CHST11: variants seen among roughly 807,000 people sequenced by gnomAD.
CHST11 encodes C4S-1.
A neutral mutation model predicts 30.4 loss-of-function variants in CHST11; 9 were observed. That is an observed-to-expected ratio of 0.30 (90% CI 0.18 to 0.52). The LOEUF (loss-of-function observed/expected upper bound fraction) is 0.52, where lower values mean the gene tolerates loss of function less well. Ranked by LOEUF, CHST11 falls within the 20% of genes least tolerant of loss-of-function variation. The pLI is 0.97. For missense variants in CHST11, 348 were observed against 460.6 expected (o/e 0.76, Z 2.24); for synonymous variants, 152 against 187.8 (o/e 0.81, Z 1.56).
In CHST11 at chr12:104,484,497, A is replaced by T. The variant is rs115689626; in HGVS notation, c.118+26968A>T. ...TATTCACACCTGAGATATGGAGGTG[A>T]CAAGGCAGACCTGGCAAACTTACAA... On this transcript the variant is annotated intron_variant, in intron 1 of 2. Coordinates refer to ENST00000303694, the MANE Select transcript of CHST11 (RefSeq NM_018413.6). Among the ~76,000 whole-genome samples, 1,270 of 152,318 alleles carry T rather than the reference A, an allele frequency of 8.3e-3. 13 individuals are homozygous for T. The highest frequency in any genetic ancestry group is 0.029 in the African/African-American group (1,219 of 41,566).
At chr12:104,725,007 T>C (rs1357635342) in intron 2 of CHST11, among the ~76,000 whole-genome samples, 1 of 152,124 alleles carries the variant, frequency 6.6e-6, no homozygotes, top group Non-Finnish European at 1.5e-5. Context: ...GTCTTGGTGC[T>C]TTAGGGCTGG....
chr12:104,487,492 G>C (rs1664405072), intron 1 of CHST11, among the ~76,000 whole-genome samples: 2 of 152,194 alleles, frequency 1.3e-5, no homozygotes, highest in Non-Finnish European at 2.9e-5. Context: ...GAATGCCTGA[G>C]CTCAAGCGAT....
chr12:104,755,919 C>G (rs1247161199), intron 2 of CHST11, among the ~76,000 whole-genome samples: 2 of 148,332 alleles, frequency 1.3e-5, no homozygotes, highest in East Asian at 4.0e-4. Context: ...GGACCCCCCC[C>G]TCCGGTTATG....
Position 104,600,881 on chromosome 12 carries a change from T to C in CHST11, c.119-1025T>C, listed in dbSNP as rs1226338895. ...CTCTCTCCTTCTTTCCTTTCTTCCTTCCCTCCCTTCTTCCCTCCTTCCTCC... is the reference window on the plus strand; with the variant it reads ...CTCTCTCCTTCTTTCCTTTCTTCCTCCCCTCCCTTCTTCCCTCCTTCCTCC... On this transcript the variant is annotated intron_variant, in intron 1 of 2. Transcript: ENST00000303694. This position sits in a 1 kb window ranked among gnomAD's most constrained non-coding sequence, Gnocchi z 4.1. Among the ~76,000 whole-genome samples the C allele has an allele frequency of 6.6e-6, 1 of 151,188 alleles. No homozygotes were observed. Among genetic ancestry groups the C allele is most frequent in the Non-Finnish European group, 1.5e-5 (1 of 67,786 alleles).
chr12:104,606,179 G>GT (rs912752780), intron 2 of CHST11, among the ~76,000 whole-genome samples: 8 of 135,376 alleles, frequency 5.9e-5, no homozygotes, highest in East Asian at 2.6e-4. Flanking sequence ...GGGGGGCGGG[G>GT]GGGGGAATGG....
chr12:104,673,360 T>A (rs1438592925), intron 2 of CHST11, among the ~76,000 whole-genome samples: 1 of 152,214 alleles, frequency 6.6e-6, no homozygotes, highest in Non-Finnish European at 1.5e-5. Flanking sequence ...TAACACTGAC[T>A]TGAGGCTTTC....
At chr12:104,632,397 G>A (rs1270049048) in intron 2 of CHST11, among the ~76,000 whole-genome samples, 1 of 152,210 alleles carries the variant, frequency 6.6e-6, no homozygotes, top group Non-Finnish European at 1.5e-5. Context: ...CGTACAACCA[G>A]CTCTGGTGGA....
At chr12:104,591,005 GCT>G (rs1489139930) in intron 1 of CHST11, among the ~76,000 whole-genome samples, 19 of 152,158 alleles carry the variant, frequency 1.2e-4, no homozygotes, top group African/African-American at 4.6e-4. Flanking sequence ...GTCCAGGGAA[GCT>G]CTCTCTGGGG....
chr12:104,659,358 C>T (rs1017949230), intron 2 of CHST11, among the ~76,000 whole-genome samples: 3 of 152,238 alleles, frequency 2.0e-5, no homozygotes, highest in Non-Finnish European at 4.4e-5. Flanking sequence ...GACATATGAT[C>T]GTTGGTGATA....
intron 1 of CHST11, among the ~76,000 whole-genome samples, chr12:104,587,890 A>C (rs1592779764): frequency 9.7e-6 from 1 of 102,802 alleles, no homozygotes. Flanking sequence ...CCCGGGCTGG[A>C]GGAGATTAGG....
chr12:104,760,918 A>G lies in CHST11; in HGVS notation c.*3115A>G, dbSNP rs1047898866. The stretch of plus-strand genomic sequence containing the variant: ...AAGTTTGTGTTTTTTAAAGAGGAAT[A>G]TTTGAAACTGCTTTCTATGCATGCT... On this transcript the variant is annotated 3_prime_UTR_variant, in exon 3 of 3. Transcript: ENST00000303694. 6.6e-6 allele frequency: 1 copy of G among 152,204 alleles called. No homozygotes were observed. The highest frequency in any genetic ancestry group is 1.5e-5 in the Non-Finnish European group (1 of 68,036). The allele number at this position is 152,204 out of a possible 1,614,324, so 9.4% of individuals were successfully genotyped here. A position where few individuals can be genotyped will look rare whatever the true frequency, so the allele number is the denominator to read the frequency against.
intron 2 of CHST11, among the ~76,000 whole-genome samples, chr12:104,724,111 G>C (rs997677416): frequency 1.3e-5 from 2 of 152,202 alleles, no homozygotes; most frequent in African/African-American, 2.4e-5. Context: ...AGGGAAAAGA[G>C]CAGTAGTGTG....
intron 1 of CHST11, among the ~76,000 whole-genome samples, chr12:104,579,198 C>T (rs1164504243): frequency 6.6e-6 from 1 of 152,218 alleles, no homozygotes; most frequent in Non-Finnish European, 1.5e-5. Flanking sequence ...CATTCCTGGG[C>T]TCCTAGTACC....
intron 1 of CHST11, among the ~76,000 whole-genome samples, chr12:104,459,084 T>C (rs1404255379): frequency 2.6e-5 from 4 of 152,256 alleles, no homozygotes; most frequent in Non-Finnish European, 2.9e-5. Context: ...CCAGCCCTGT[T>C]AAAGATGGCT....
chr12:104,480,921 C>G (rs1024700935), intron 1 of CHST11, among the ~76,000 whole-genome samples: 2 of 152,152 alleles, frequency 1.3e-5, no homozygotes, highest in African/African-American at 4.8e-5. Flanking sequence ...TATAGCAGTC[C>G]TGGGAAAATA....
At chr12:104,706,155 G>A (rs563490496) in intron 2 of CHST11, among the ~76,000 whole-genome samples, 32 of 151,478 alleles carry the variant, frequency 2.1e-4, no homozygotes, top group South Asian at 1.0e-3. Flanking sequence ...AGGCCGAGGC[G>A]GGCAGATCAC....
At chr12:104,470,237 A>G (rs2037495075) in intron 1 of CHST11, among the ~76,000 whole-genome samples, 1 of 152,236 alleles carries the variant, frequency 6.6e-6, no homozygotes, top group Admixed American at 6.5e-5. Context: ...GAAATACCTC[A>G]GACTGGGTAA....
intron 1 of CHST11, among the ~76,000 whole-genome samples, chr12:104,546,222 C>A (rs1387945302): frequency 6.6e-6 from 1 of 151,858 alleles, no homozygotes; most frequent in Non-Finnish European, 1.5e-5. Flanking sequence ...ATAATCCCAG[C>A]ACTTTGGGAG....
intron 2 of CHST11, among the ~76,000 whole-genome samples, chr12:104,650,027 T>G (rs757342283): frequency 4.6e-5 from 7 of 152,102 alleles, no homozygotes; most frequent in African/African-American, 7.2e-5. Context: ...ACAGTGCAGA[T>G]GGATGGATGA....
Sources: allele counts gnomAD v4.1 joint callset (sites outside exome capture counted in the v4.1 genomes callset), GRCh38; gene constraint gnomAD v4.1.1; non-coding constraint Gnocchi (gnomAD v3.1); transcripts MANE v1.5; gene names NCBI Gene and HGNC (gene_info 2026-07-23, HGNC 2026-07-21).